Variants in DMXL2 observed in about 807,000 individuals in gnomAD.
DMXL2 encodes dmX-like protein 2.
A neutral mutation model predicts 331.1 loss-of-function variants in DMXL2; 103 were observed. The observed-to-expected ratio is 0.31, with a 90% CI of 0.27 to 0.37. The LOEUF (loss-of-function observed/expected upper bound fraction) is 0.37. DMXL2 is among the 10% of genes least tolerant of loss of function. DMXL2 has a pLI of 1.00. For missense variants in DMXL2, 3,171 were observed against 3,642.9 expected, an observed-to-expected ratio of 0.87 and a Z score of 3.33; for synonymous variants, 1,281 against 1,252.1, an observed-to-expected ratio of 1.02 and a Z score of -0.49.
intron 1 of DMXL2, among the ~76,000 whole-genome samples, chr15:51,598,982 C>T (rs1381106016): frequency 6.6e-6 from 1 of 152,202 alleles, no homozygotes; most frequent in Non-Finnish European, 1.5e-5. Flanking sequence ...TCCATCGTTG[C>T]ATCATTTGTC....
chr15:51,453,500 TGG>T (rs1395428413), intron 41 of DMXL2, 48 bp downstream of exon 41: 1 of 1,407,434 alleles, frequency 7.1e-7, no homozygotes, highest in African/African-American at 1.4e-5. Flanking sequence ...GCTAAAGGTA[TGG>T]ATTTCTAACG....
Position 51,457,409 on chromosome 15 carries a change from T to C in DMXL2, c.8256A>G (p.Thr2752=). 3.1e-6 allele frequency: 5 copies of C among 1,614,220 alleles called. No homozygotes were observed. The South Asian group carries it at 4.4e-5, about 14-fold the overall frequency. ...GATGCACCTGACTTGCTGAATAGGA[T>C]GTTGCACTGGGTTGATAAAGAGTTG... ...STTTLYQPSA[T]SYSASQVHPP... Residue 2752 remains threonine (T), a synonymous_variant, in exon 37 of 44, where the codon ACA becomes ACG. Coordinates refer to ENST00000560891, the MANE Select transcript of DMXL2 (RefSeq NM_001378457.1).
chr15:51,506,269 C>T (rs1408598799), intron 16 of DMXL2, among the ~76,000 whole-genome samples: 2 of 151,986 alleles, frequency 1.3e-5, no homozygotes, highest in Non-Finnish European at 2.9e-5. Flanking sequence ...CACTCTATTG[C>T]CCAGGCTGAT....
At chr15:51,491,442 C>CA (rs879258329) in intron 20 of DMXL2, 136 bp downstream of exon 20, 43,785 of 642,758 alleles carry the variant, frequency 0.068, no homozygotes, top group East Asian at 0.079. Flanking sequence ...ATTCCATCTC[C>CA]AAAAAAAAAA....
chr15:51,586,983 T>TAAAAAA (rs34212997), intron 1 of DMXL2, among the ~76,000 whole-genome samples: 1 of 144,334 alleles, frequency 6.9e-6, no homozygotes. Context: ...CAAAAATCTC[T>TAAAAAA]AAAAAAAAAA....
chr15:51,492,492 T>G (rs34662965), intron 19 of DMXL2, among the ~76,000 whole-genome samples: 28,305 of 151,150 alleles, frequency 0.19, 3,017 homozygotes, highest in Non-Finnish European at 0.24. Context: ...GTTTTGGGTT[T>G]GTTTGTTTTT....
At position 51,465,555 on chromosome 15, in the gene DMXL2, T is replaced by C. The variant is rs1261029119; in HGVS notation, c.7606+11A>G. 3 of 1,572,626 alleles carry C rather than the reference T, an allele frequency of 1.9e-6. No individual in the cohort carries two copies. The highest frequency in any genetic ancestry group is 2.6e-6 in the Non-Finnish European group (3 of 1,152,722). On this transcript the variant is annotated intron_variant, in intron 31 of 43. Transcript: ENST00000560891. ...TACTTAATAACATTAATTTTTAAATTCCAAACTCACCAGAGAATTCCAGTC... is the reference window on the plus strand; with the variant it reads ...TACTTAATAACATTAATTTTTAAATCCCAAACTCACCAGAGAATTCCAGTC...
chr15:51,618,456 A>T (rs1337290347), intron 1 of DMXL2, among the ~76,000 whole-genome samples: 1 of 152,142 alleles, frequency 6.6e-6, no homozygotes, highest in Non-Finnish European at 1.5e-5. Context: ...TAGAGTTAAG[A>T]CATATCTAAA....
At chr15:51,531,030 G>A (rs1435991897) in intron 13 of DMXL2, among the ~76,000 whole-genome samples, 3 of 151,940 alleles carry the variant, frequency 2.0e-5, no homozygotes. Context: ...ATTTTTTAAA[G>A]ATTTAAAATT....
rs1457497323 is a variant in DMXL2 at position 51,449,123 on chromosome 15, C to T, written c.9038G>A (p.Arg3013Gln). The T allele has an allele frequency of 6.8e-6, 11 of 1,614,000 alleles. No homozygotes were observed. Among genetic ancestry groups the T allele is most frequent in the Non-Finnish European group, 9.3e-6 (11 of 1,180,014 alleles). Residue 3013 changes from arginine to glutamine, a missense_variant, in exon 44 of 44, where the codon CGA (arginine) becomes CAA (glutamine). Coordinates refer to ENST00000560891, the MANE Select transcript of DMXL2 (RefSeq NM_001378457.1). ...KSEHAKQSIF[R>Q]NIGAGVMQID... ...CTGCATGACTCCAGCCCCAATGTTT[C>T]GAAATATGGACTGCTTAGCATGTTC...
At chr15:51,553,513 T>G (rs544258904) in intron 6 of DMXL2, among the ~76,000 whole-genome samples, 1 of 152,194 alleles carries the variant, frequency 6.6e-6, no homozygotes, top group Non-Finnish European at 1.5e-5. Context: ...TAAAGTACAG[T>G]TGACCCTTCA....
chr15:51,574,230 G>A lies in DMXL2; in HGVS notation c.213+1826C>T, dbSNP rs542677829. Among the ~76,000 whole-genome samples the A allele has an allele frequency of 6.6e-5, 10 of 152,120 alleles. No individual in the cohort carries two copies. In the South Asian group the frequency reaches 2.1e-3, roughly 32 times the overall value. On this transcript the variant is annotated intron_variant, in intron 2 of 43. Transcript: ENST00000560891. ...GGATTTTGTTCCAGGTCACATACCT[G>A]GTAAGAAAAGACATAAATCCCTCTG...
chr15:51,515,686 T>G (rs2046996093), intron 14 of DMXL2, among the ~76,000 whole-genome samples: 1 of 152,126 alleles, frequency 6.6e-6, no homozygotes, highest in Non-Finnish European at 1.5e-5. Flanking sequence ...CCAGCCCCTG[T>G]GTTAAAAATA....
At chr15:51,515,806 G>C (rs763839009) in intron 14 of DMXL2, among the ~76,000 whole-genome samples, 1 of 152,150 alleles carries the variant, frequency 6.6e-6, no homozygotes, top group Non-Finnish European at 1.5e-5. Context: ...GGAGGCTAAA[G>C]TAGGGGATGA....
intron 30 of DMXL2, 95 bp from the exon 31 acceptor site, chr15:51,465,746 C>A: frequency 2.3e-6 from 2 of 883,808 alleles, no homozygotes; most frequent in Non-Finnish European, 1.7e-6. Context: ...GCCCACTCTC[C>A]AACCCAGAAA....
intron 32 of DMXL2, 117 bp from the exon 33 acceptor site, chr15:51,463,613 C>T (rs1055099448): frequency 1.6e-6 from 1 of 626,232 alleles, no homozygotes; most frequent in African/African-American, 2.0e-5. Flanking sequence ...ATTTTTAAAA[C>T]CTTCATAATC....
At position 51,499,249 on chromosome 15, in the gene DMXL2, T is replaced by C. The variant is rs2140486690; in HGVS notation, c.3975A>G (p.Pro1325=). ...ATAAGCCACCATCTTGAATTACAGTTGGTGAACAAAAAACATCATCAGAAA... is the reference window on the plus strand; with the variant it reads ...ATAAGCCACCATCTTGAATTACAGTCGGTGAACAAAAAACATCATCAGAAA... ...TAISDDVFCS[P]TVIQDGGLFE... is the part of the protein sequence containing the mutation. The change falls in exon 18 of 44, where the codon CCA becomes CCG. Residue 1325 remains proline, a synonymous_variant. Transcript: ENST00000560891. The C allele has an allele frequency of 1.9e-6, 3 of 1,613,978 alleles. No homozygotes were observed. The East Asian group carries it at 6.7e-5, about 36-fold the overall frequency.
chr15:51,562,792 A>C (rs932087238), intron 6 of DMXL2, among the ~76,000 whole-genome samples: 1 of 152,212 alleles, frequency 6.6e-6, no homozygotes, highest in East Asian at 1.9e-4. Flanking sequence ...GGAAGATAGG[A>C]GCAAGTGAAA....
chr15:51,449,223 T>A, intron 43 of DMXL2, 30 bp from the exon 44 acceptor site: 1 of 1,609,930 alleles, frequency 6.2e-7, no homozygotes, highest in Non-Finnish European at 8.5e-7. Context: ...GTTAAAAATA[T>A]ATTACGAAAA....
Sources: gnomAD v4.1 joint callset for allele counts (sites outside exome capture counted in the v4.1 genomes callset) on GRCh38, gnomAD v4.1.1 for gene constraint, MANE v1.5 for transcripts, NCBI Gene and HGNC (gene_info 2026-07-23, HGNC 2026-07-21) for gene names.